The following AGFG2 variants were observed in gnomAD, a reference collection of about 807,000 sequenced individuals.
AGFG2 encodes ArfGAP with FG repeats 2.
A neutral mutation model predicts 48.0 loss-of-function variants in AGFG2; 31 were observed. The ratio of observed to expected loss-of-function variants is 0.65; its 90% confidence interval spans 0.49 to 0.87. The LOEUF (loss-of-function observed/expected upper bound fraction) is 0.87, where lower values mean the gene tolerates loss of function less well. AGFG2 is among the 40% of genes least tolerant of loss of function. The pLI is 0.00. For missense variants in AGFG2, 599 were observed against 632.6 expected (o/e 0.95, Z 0.57); for synonymous variants, 229 against 260.8 (o/e 0.88, Z 1.18).
At chr7:100,545,691 G>A (rs144511564) in intron 1 of AGFG2, among the ~76,000 whole-genome samples, 1 of 152,282 alleles carries the variant, frequency 6.6e-6, no homozygotes, top group African/African-American at 2.4e-5. Context: ...CTTTTGGGAG[G>A]AACCTGAGAG....
At chr7:100,554,340 G>C in intron 5 of AGFG2, 82 bp downstream of exon 5, 1 of 1,473,948 alleles carries the variant, frequency 6.8e-7, no homozygotes, top group East Asian at 2.4e-5. Flanking sequence ...GGTAACCATG[G>C]CTCTAGATCT....
intron 4 of AGFG2, 140 bp downstream of exon 4, chr7:100,553,640 AT>A: frequency 5.8e-6 from 6 of 1,035,766 alleles, no homozygotes; most frequent in Non-Finnish European, 8.1e-6. Flanking sequence ...GTTAACCTGT[AT>A]CTTGTATTTG....
intron 6 of AGFG2, among the ~76,000 whole-genome samples, chr7:100,556,843 G>A (rs1280937702): frequency 6.6e-6 from 1 of 152,188 alleles, no homozygotes; most frequent in Non-Finnish European, 1.5e-5. Context: ...ACTGTGAGCT[G>A]ATTAGCTGCT....
chr7:100,557,431 T>C (rs558799059), intron 6 of AGFG2, among the ~76,000 whole-genome samples: 2 of 152,194 alleles, frequency 1.3e-5, no homozygotes, highest in South Asian at 4.2e-4. Flanking sequence ...ACAAATCACA[T>C]AGGTCACATT....
intron 2 of AGFG2, among the ~76,000 whole-genome samples, chr7:100,549,520 C>T (rs1800581233): frequency 1.3e-5 from 2 of 152,116 alleles, no homozygotes; most frequent in Admixed American, 6.5e-5. Flanking sequence ...CTCTATTTTC[C>T]TTTTTCAATA....
chr7:100,554,335 C>T, intron 5 of AGFG2, 77 bp downstream of exon 5: 1 of 1,499,164 alleles, frequency 6.7e-7, no homozygotes, highest in South Asian at 1.3e-5. Context: ...CTGGAGGTAA[C>T]CATGGCTCTA....
intron 6 of AGFG2, among the ~76,000 whole-genome samples, chr7:100,560,335 C>A (rs534794911): frequency 6.6e-6 from 1 of 152,260 alleles, no homozygotes; most frequent in South Asian, 2.1e-4. Context: ...TGCACCACCA[C>A]GCCCAGCTTA....
intron 1 of AGFG2, among the ~76,000 whole-genome samples, chr7:100,542,139 C>A (rs1415007951): frequency 6.6e-6 from 1 of 151,886 alleles, no homozygotes; most frequent in African/African-American, 2.4e-5. Context: ...CCTCAGCCTC[C>A]TGAGTAGCTG....
Position 100,562,662 on chromosome 7 carries a change from G to A in AGFG2, c.1067G>A (p.Ser356Asn), listed in dbSNP as rs1800903837. The change falls in exon 8 of 12, where the codon AGC becomes AAC. Residue 356 changes from serine to asparagine, a missense_variant. By Grantham distance (46) the Ser-to-Asn change is conservative. Coordinates refer to ENST00000300176, the MANE Select transcript of AGFG2 (RefSeq NM_006076.5). The surrounding 1 kb of genome is among the most constrained non-coding windows in gnomAD (Gnocchi z 5.4). ...SVTMGGGGGSSTGLAFGAFTN... is the reference protein window; with the variant it reads ...SVTMGGGGGSNTGLAFGAFTN... ...ACGATGGGCGGCGGCGGCGGCAGCA[G>A]CACAGGGCTGGCCTTTGGAGGTGAG... 2 of 1,608,820 alleles carry A rather than the reference G, an allele frequency of 1.2e-6. No homozygotes were observed. The highest frequency in any genetic ancestry group is 1.7e-6 in the Non-Finnish European group (2 of 1,179,626).
chr7:100,558,056 A>C (rs933597433), intron 6 of AGFG2, among the ~76,000 whole-genome samples: 1 of 152,062 alleles, frequency 6.6e-6, no homozygotes, highest in Admixed American at 6.6e-5. Context: ...TCTGCTAAAA[A>C]TACAAATATT....
At chr7:100,550,351 T>C in intron 2 of AGFG2, 45 bp from the exon 3 acceptor site, 1 of 1,320,372 alleles carries the variant, frequency 7.6e-7, no homozygotes, top group Non-Finnish European at 1.1e-6. Context: ...TTTTTTGTAT[T>C]TCCTGCTTTC....
intron 9 of AGFG2, among the ~76,000 whole-genome samples, chr7:100,563,408 A>G (rs984212327): frequency 6.6e-6 from 1 of 152,118 alleles, no homozygotes; most frequent in African/African-American, 2.4e-5. Flanking sequence ...GAGGCTGGGG[A>G]GAGAGGAATA....
At chr7:100,563,791 C>A in intron 9 of AGFG2, 43 bp from the exon 10 acceptor site, 1 of 1,606,296 alleles carries the variant, frequency 6.2e-7, no homozygotes, top group Non-Finnish European at 8.5e-7. Context: ...CTCCAGCCCA[C>A]CTTCCAGAAG....
rs757566397 is a variant in AGFG2 at position 100,548,940 on chromosome 7, G to A, written c.315+25G>A. 3.8e-6 allele frequency: 6 copies of A among 1,590,614 alleles called. No individual in the cohort carries two copies. The African/African-American group carries it at 8.2e-5, about 22-fold the overall frequency. ...GGTGAGCTGCCACCGATGGAGTGGTGAGAAGGTCACCTATCTGCAGGTGGG... is the reference window on the plus strand; with the variant it reads ...GGTGAGCTGCCACCGATGGAGTGGTAAGAAGGTCACCTATCTGCAGGTGGG... On this transcript the variant is annotated intron_variant, in intron 2 of 11. Transcript: ENST00000300176.
rs1344144982 is a variant in AGFG2, at chr7:100,566,380, C to T, written c.*1389C>T. ...ACAACATCCAGCTGTGGTGTCTGGG[C>T]TATTTGTGTGGTGACAAGACAGACC... On this transcript the variant is annotated 3_prime_UTR_variant, in exon 12 of 12. Coordinates refer to ENST00000300176, the MANE Select transcript of AGFG2 (RefSeq NM_006076.5). The T allele has an allele frequency of 2.0e-5, 3 of 152,234 alleles. No individual in the cohort carries two copies. The highest frequency in any genetic ancestry group is 7.2e-5 in the African/African-American group (3 of 41,454). The allele number at this position is 152,234 out of a possible 1,614,324, so 9.4% of individuals were successfully genotyped here.
At chr7:100,563,729 GA>G (rs1800932183) in intron 9 of AGFG2, 104 bp from the exon 10 acceptor site, 1 of 1,537,356 alleles carries the variant, frequency 6.5e-7, no homozygotes, top group Non-Finnish European at 8.8e-7. Context: ...CTCATGTCAG[GA>G]AAAAACTATA....
In AGFG2 at chr7:100,565,294, C is replaced by T. The variant is rs75814257; in HGVS notation, c.*303C>T. 8.5e-3 allele frequency: 3,976 copies of T among 468,362 alleles called. 144 individuals carry two copies. Among genetic ancestry groups the T allele is most frequent in the African/African-American group, 0.072 (3,663 of 50,900 alleles). 29.0% of individuals were successfully genotyped at this position (468,362 alleles called of 1,614,324 possible). A position where few individuals can be genotyped will look rare whatever the true frequency, so the allele number is the denominator to read the frequency against. ...AAATGATCAGTCCCCTGTGGAACAG[C>T]TCTTCCCTGGGCCTAGCTCGCCAGC... On this transcript the variant is annotated 3_prime_UTR_variant, in exon 12 of 12. Transcript: ENST00000300176.
At chr7:100,555,504 C>T (rs1800740693) in intron 5 of AGFG2, 106 bp from the exon 6 acceptor site, 5 of 1,270,584 alleles carry the variant, frequency 3.9e-6, no homozygotes, top group Admixed American at 4.0e-5. Context: ...AACTTCTGAC[C>T]TCAAGTGATC....
At chr7:100,547,026 C>G (rs948992743) in intron 1 of AGFG2, among the ~76,000 whole-genome samples, 12 of 152,200 alleles carry the variant, frequency 7.9e-5, no homozygotes, top group African/African-American at 2.9e-4. Flanking sequence ...AAAGGTCTAG[C>G]AGCAGAATTG....
Sources: gnomAD v4.1 joint callset for allele counts (sites outside exome capture counted in the v4.1 genomes callset) on GRCh38, gnomAD v4.1.1 for gene constraint, Gnocchi (gnomAD v3.1) non-coding constraint, MANE v1.5 for transcripts, NCBI Gene and HGNC (gene_info 2026-07-23, HGNC 2026-07-21) for gene names.